TMEM182: variants seen among roughly 807,000 people sequenced by gnomAD.
TMEM182 encodes the protein transmembrane protein 182.
A neutral mutation model predicts 26.8 loss-of-function variants in TMEM182; 20 were observed. The observed-to-expected ratio is 0.75, with a 90% CI of 0.53 to 1.09. TMEM182 has a LOEUF of 1.09. Ranked by LOEUF, TMEM182 falls within the 50% of genes least tolerant of loss-of-function variation. The pLI is 0.00. For synonymous variants in TMEM182, 109 were observed against 102.2 expected (o/e 1.07, Z -0.40); for missense variants, 277 against 275.5 (o/e 1.01, Z -0.04).
At chr2:102,800,797 TTGTGTGTG>T (rs71378190) in intron 4 of TMEM182, among the ~76,000 whole-genome samples, 7,664 of 137,772 alleles carry the variant, frequency 0.056, 266 homozygotes, top group African/African-American at 0.11. Context: ...TTTGGACAGT[TTGTGTGTG>T]TGTGTGTGTG....
intron 3 of TMEM182, among the ~76,000 whole-genome samples, chr2:102,828,239 T>A (rs1320262119): frequency 6.6e-6 from 1 of 152,100 alleles, no homozygotes; most frequent in Non-Finnish European, 1.5e-5. Flanking sequence ...AAATGAGTGG[T>A]CAAAGGATGT....
rs944415928 is a variant in TMEM182, at chr2:102,816,445, G to A, written c.*1477G>A. 3 of 984,700 alleles carry A rather than the reference G, an allele frequency of 3.0e-6. No individual in the cohort carries two copies. The highest frequency in any genetic ancestry group is 6.2e-5 in the Admixed American group (1 of 16,170). 61.0% of individuals were successfully genotyped at this position (984,700 alleles called of 1,614,324 possible). ...CTTTTCCATTAAGACTTGTTCCAGT[G>A]GGAAGGAGCTTTGGAAAAATTGCAA... On this transcript the variant is annotated 3_prime_UTR_variant, in exon 5 of 5. Transcript: ENST00000412401.
chr2:102,824,361 C>G (rs188757212), intron 3 of TMEM182, among the ~76,000 whole-genome samples: 1 of 152,268 alleles, frequency 6.6e-6, no homozygotes, highest in East Asian at 1.9e-4. Flanking sequence ...AATCTCATGT[C>G]GAATCATAAT....
chr2:102,744,632 C>G (rs534185673), intron 1 of TMEM182, among the ~76,000 whole-genome samples: 1 of 152,158 alleles, frequency 6.6e-6, no homozygotes, highest in Non-Finnish European at 1.5e-5. Flanking sequence ...TGTTATATAA[C>G]TAGGCTTGAT....
chr2:102,795,850 T>A (rs1681848585), intron 3 of TMEM182, among the ~76,000 whole-genome samples: 1 of 152,166 alleles, frequency 6.6e-6, no homozygotes, highest in Non-Finnish European at 1.5e-5. Context: ...GTGGCACAGT[T>A]CCATGCAGCC....
At chr2:102,764,452 A>T (rs767396762) in intron 3 of TMEM182, 25 bp downstream of exon 3, 1 of 1,601,324 alleles carries the variant, frequency 6.2e-7, no homozygotes, top group Non-Finnish European at 8.5e-7. Flanking sequence ...TCCTCAGCCT[A>T]CTTCTAAAAG....
intron 4 of TMEM182, among the ~76,000 whole-genome samples, chr2:102,811,952 G>T (rs2104753569): frequency 6.6e-6 from 1 of 152,266 alleles, no homozygotes; most frequent in Middle Eastern, 3.4e-3. Flanking sequence ...CTGGATGTTG[G>T]TGTTGCCAGA....
rs1416570785 is a variant in TMEM182 at position 102,801,331 on chromosome 2, A to C, written c.469+3331A>C. On this transcript the variant is annotated intron_variant, in intron 4 of 4. Coordinates refer to ENST00000412401, the MANE Select transcript of TMEM182 (RefSeq NM_144632.5). The stretch of plus-strand genomic sequence containing the variant: ...AGACCCAGTGGATTAACATCCTGAG[A>C]CTGGGCCCAGAACAAAGACAGCTCT... 2.0e-5 allele frequency among the ~76,000 whole-genome samples: 3 copies of C among 152,164 alleles called. No individual in the cohort carries two copies. The East Asian group carries it at 5.8e-4, about 29-fold the overall frequency.
At chr2:102,812,031 C>T (rs543614377) in intron 4 of TMEM182, among the ~76,000 whole-genome samples, 3 of 152,300 alleles carry the variant, frequency 2.0e-5, no homozygotes, top group South Asian at 2.1e-4. Flanking sequence ...AAAACATGCA[C>T]ACACACATTT....
rs535703369 is a variant in TMEM182, at chr2:102,764,374, C to A, written c.278C>A (p.Pro93Gln). 23 of 1,613,910 alleles carry A rather than the reference C, an allele frequency of 1.4e-5. No individual in the cohort carries two copies. In the South Asian group the frequency reaches 1.9e-4, roughly 13 times the overall value. Residue 93 changes from proline to glutamine, a missense_variant, in exon 3 of 5, where the codon CCG (proline) becomes CAG (glutamine). By Grantham distance (76) the Pro-to-Gln change is moderately conservative (BLOSUM62 -1). Transcript: ENST00000412401. ...SKNCTHAYLSPYPFMRGEHNS... is the reference protein window; with the variant it reads ...SKNCTHAYLSQYPFMRGEHNS... ...AACTGCACACATGCTTACCTGTCTC[C>A]GTACCCCTTCATGAGAGGCGAGCAC...
chr2:102,775,516 A>G (rs1372622807), intron 3 of TMEM182: 5 of 152,210 alleles, frequency 3.3e-5, no homozygotes, highest in Non-Finnish European at 7.3e-5. Flanking sequence ...CCTATTCAAC[A>G]TAGTGTTGGA....
At chr2:102,828,223 C>A (rs546871013) in intron 3 of TMEM182, among the ~76,000 whole-genome samples, 109 of 152,128 alleles carry the variant, frequency 7.2e-4, no homozygotes, top group African/African-American at 2.5e-3. Context: ...AAAACAAATC[C>A]CCACTAAATG....
At chr2:102,740,103 A>G (rs938757265) in intron 1 of TMEM182, among the ~76,000 whole-genome samples, 17 of 152,208 alleles carry the variant, frequency 1.1e-4, no homozygotes, top group African/African-American at 4.1e-4. Context: ...GAGACTAGAT[A>G]TTATTAAGAT....
chr2:102,776,288 C>A (rs1680912226), intron 3 of TMEM182, among the ~76,000 whole-genome samples: 1 of 152,144 alleles, frequency 6.6e-6, no homozygotes, highest in Admixed American at 6.6e-5. Flanking sequence ...ACAGATTAGT[C>A]TCATTACCCT....
At chr2:102,809,530 A>C (rs1190620713) in intron 4 of TMEM182, among the ~76,000 whole-genome samples, 1 of 151,942 alleles carries the variant, frequency 6.6e-6, no homozygotes, top group Admixed American at 6.6e-5. Flanking sequence ...CTAGTCCCCC[A>C]CTGCTTCCTG....
intron 3 of TMEM182, among the ~76,000 whole-genome samples, chr2:102,774,184 A>AATATGTCC (rs1680804608): frequency 6.6e-6 from 1 of 151,794 alleles, no homozygotes; most frequent in Admixed American, 6.6e-5. Flanking sequence ...TTCTACCATA[A>AATATGTCC]ATATGTCCAT....
chr2:102,818,052 G>T (rs1248589885), downstream of TMEM182, among the ~76,000 whole-genome samples: 1 of 152,166 alleles, frequency 6.6e-6, no homozygotes, highest in African/African-American at 2.4e-5. Flanking sequence ...AGTAAAATTG[G>T]CTGGATATGT....
intron 3 of TMEM182, among the ~76,000 whole-genome samples, chr2:102,828,322 G>A (rs930898815): frequency 1.3e-5 from 2 of 152,118 alleles, no homozygotes; most frequent in East Asian, 3.9e-4. Context: ...TTGCTAGCAC[G>A]TAAGGGAAAT....
At chr2:102,785,618 A>T (rs182128604) in intron 3 of TMEM182, among the ~76,000 whole-genome samples, 20 of 152,324 alleles carry the variant, frequency 1.3e-4, no homozygotes, top group African/African-American at 4.8e-4. Context: ...TGGGTGTCTT[A>T]TAATACAAAT....
Sources: gnomAD v4.1 joint callset for allele counts (sites outside exome capture counted in the v4.1 genomes callset) on GRCh38, gnomAD v4.1.1 for gene constraint, MANE v1.5 for transcripts, NCBI Gene and HGNC (gene_info 2026-07-23, HGNC 2026-07-21) for gene names.